Variants in DIP2C observed in about 807,000 individuals in gnomAD.
DIP2C encodes the protein disco-interacting protein 2 homolog C.
In DIP2C, 33 loss-of-function variants were observed where a neutral mutation model predicts 192.4. The ratio of observed to expected loss-of-function variants is 0.17; its 90% CI spans 0.13 to 0.23. DIP2C has a LOEUF of 0.23. DIP2C is among the 10% of genes least tolerant of loss of function. The pLI, the probability that DIP2C is intolerant of heterozygous loss-of-function variation, is 1.00. For synonymous variants in DIP2C, 979 were observed against 864.1 expected (o/e 1.13, Z -2.33); for missense variants, 1,537 against 2,110.1 (o/e 0.73, Z 5.32).
In DIP2C at chr10:419,203, T is replaced by C. The variant is rs747252086; in HGVS notation, c.605-4A>G. On this transcript the variant is annotated splice_polypyrimidine_tract_variant and splice_region_variant and intron_variant, in intron 5 of 36. Coordinates refer to ENST00000280886, the MANE Select transcript of DIP2C (RefSeq NM_014974.3). ...TCAGGAGGTGCAGAATGATTTTCTG[T>C]AAAGAAACACATCATGAGATTTTCT... 1 of 1,614,144 alleles carries C rather than the reference T, an allele frequency of 6.2e-7. No homozygotes were observed. The highest frequency in any genetic ancestry group is 1.1e-5 in the South Asian group (1 of 91,076).
rs1446342524 is a variant in DIP2C, at chr10:345,015, G to A, written c.3327C>T (p.Pro1109=). 1.9e-6 allele frequency: 3 copies of A among 1,612,794 alleles called. No individual in the cohort carries two copies. The highest frequency in any genetic ancestry group is 2.5e-6 in the Non-Finnish European group (3 of 1,179,820). The change falls in exon 27 of 37, where the codon CCC becomes CCT. Residue 1109 remains proline, a synonymous_variant. Coordinates refer to ENST00000280886, the MANE Select transcript of DIP2C (RefSeq NM_014974.3). ...AGCACCAACCTGTGTCCAGGATGAG[G>A]GGCCACGTCCTGACGTCCACAGCCG... ...AAAAVDVRTW[P]LILDTDDLPK...
At chr10:306,099 G>A (rs550463664) in intron 32 of DIP2C, among the ~76,000 whole-genome samples, 32 of 152,100 alleles carry the variant, frequency 2.1e-4, no homozygotes, top group African/African-American at 7.7e-4. Context: ...GAATTACACT[G>A]TAACAAATAT....
At chr10:570,768 T>C (rs956333609) in intron 1 of DIP2C, among the ~76,000 whole-genome samples, 6 of 152,206 alleles carry the variant, frequency 3.9e-5, no homozygotes, top group African/African-American at 1.4e-4. Flanking sequence ...GCACACTACC[T>C]TGCATGAGGC....
intron 1 of DIP2C, chr10:631,200 ATAAT>A (rs982482105): frequency 2.4e-4 from 37 of 152,384 alleles, no homozygotes; most frequent in African/African-American, 7.7e-4. Flanking sequence ...AATAATTCAC[ATAAT>A]TAAATTATTT....
At chr10:452,097 A>AG (rs1369887863) in intron 3 of DIP2C, among the ~76,000 whole-genome samples, 12 of 152,186 alleles carry the variant, frequency 7.9e-5, no homozygotes, top group African/African-American at 2.4e-4. Flanking sequence ...CACGAGCAGG[A>AG]GGGAAGCATG....
intron 1 of DIP2C, among the ~76,000 whole-genome samples, chr10:530,174 G>T (rs979305003): frequency 2.0e-5 from 3 of 152,214 alleles, no homozygotes; most frequent in African/African-American, 4.8e-5. Flanking sequence ...TTTGCTTCCC[G>T]TGAGGAGATG....
At chr10:490,356 G>A (rs1018965161) in intron 1 of DIP2C, among the ~76,000 whole-genome samples, 1 of 152,238 alleles carries the variant, frequency 6.6e-6, no homozygotes, top group Non-Finnish European at 1.5e-5. Context: ...CCGAAAGAGG[G>A]CACATCCTTC....
chr10:319,829 G>A (rs1186467228), intron 31 of DIP2C, among the ~76,000 whole-genome samples: 1 of 151,996 alleles, frequency 6.6e-6, no homozygotes, highest in African/African-American at 2.4e-5. Context: ...TTACCTCCTA[G>A]CTTTGTCAAT....
intron 29 of DIP2C, among the ~76,000 whole-genome samples, chr10:336,949 G>A (rs1480291545): frequency 9.0e-5 from 6 of 66,928 alleles, no homozygotes; most frequent in African/African-American, 1.7e-4. Flanking sequence ...GTGTGTGCGC[G>A]TGTGTGTGTG....
At chr10:458,332 G>T (rs534474423) in intron 3 of DIP2C, among the ~76,000 whole-genome samples, 1 of 152,342 alleles carries the variant, frequency 6.6e-6, no homozygotes, top group African/African-American at 2.4e-5. Flanking sequence ...ATCAAAATCA[G>T]TAAATCCAGA....
At chr10:350,646 T>A (rs1477102176) in intron 24 of DIP2C, among the ~76,000 whole-genome samples, 1 of 146,546 alleles carries the variant, frequency 6.8e-6, no homozygotes, top group East Asian at 2.0e-4. Context: ...TTTTTTTTTT[T>A]TTTTTTTTTT....
At position 666,584 on chromosome 10, in the gene DIP2C, G is replaced by A. The variant is rs954415351; in HGVS notation, c.85+22910C>T. On this transcript the variant is annotated intron_variant, in intron 1 of 36. Transcript: ENST00000280886. This position sits in a 1 kb window ranked among gnomAD's most constrained non-coding sequence, Gnocchi z 4.1. ...TAGAACTGGGGGTAAGCAAAGCCAC[G>A]AGGTCGGCCCGTGGCCTGTCTGCCC... The A allele has an allele frequency of 2.0e-5, 3 of 150,224 alleles. No individual in the cohort carries two copies. Among genetic ancestry groups the A allele is most frequent in the Admixed American group, 6.6e-5 (1 of 15,084 alleles). The allele number at this position is 150,224 out of a possible 1,614,324, so 9.3% of individuals were successfully genotyped here.
At chr10:612,346 A>G (rs186468645) in intron 1 of DIP2C, among the ~76,000 whole-genome samples, 130 of 152,280 alleles carry the variant, frequency 8.5e-4, no homozygotes, top group African/African-American at 3.1e-3. Context: ...TGTCAAATAT[A>G]TCAGCTAAAA....
chr10:685,677 T>C (rs930423431), intron 1 of DIP2C, among the ~76,000 whole-genome samples: 2 of 152,072 alleles, frequency 1.3e-5, no homozygotes, highest in African/African-American at 4.8e-5. Flanking sequence ...TAATAAGACA[T>C]GAGTCTGGGC....
At position 340,504 on chromosome 10, in the gene DIP2C, A is replaced by G. The variant is rs115503100; in HGVS notation, c.3584+695T>C. ...CATTAGAAAATGAACTCTGAAAACT[A>G]TATGCCCAATGCTAATAGTGGGTAT... On this transcript the variant is annotated intron_variant, in intron 29 of 36. Coordinates refer to ENST00000280886, the MANE Select transcript of DIP2C (RefSeq NM_014974.3). 4.3e-3 allele frequency among the ~76,000 whole-genome samples: 655 copies of G among 152,274 alleles called. 5 individuals carry two copies. The highest frequency in any genetic ancestry group is 0.015 in the African/African-American group (603 of 41,528).
chr10:291,822 GT>G (rs760690214), intron 32 of DIP2C, among the ~76,000 whole-genome samples: 1 of 152,236 alleles, frequency 6.6e-6, no homozygotes, highest in Non-Finnish European at 1.5e-5. Flanking sequence ...TTAGAACCAG[GT>G]TGTAAGGTTA....
At chr10:579,255 G>A (rs186687046) in intron 1 of DIP2C, among the ~76,000 whole-genome samples, 98 of 151,152 alleles carry the variant, frequency 6.5e-4, no homozygotes, top group Non-Finnish European at 1.1e-3. Context: ...ACACTAACAT[G>A]TGTACATGCA....
intron 3 of DIP2C, among the ~76,000 whole-genome samples, chr10:469,314 GA>G (rs1229550766): frequency 5.5e-5 from 6 of 109,538 alleles, no homozygotes; most frequent in Non-Finnish European, 7.2e-5. Context: ...CACTGGTACT[GA>G]TTTTTTTTTT....
chr10:406,618 T>C (rs187333476), intron 9 of DIP2C, among the ~76,000 whole-genome samples: 2 of 152,368 alleles, frequency 1.3e-5, no homozygotes, highest in East Asian at 1.9e-4. Context: ...ATTCAGTTCA[T>C]AGTTTGACTC....
Sources: gnomAD v4.1 joint callset for allele counts (sites outside exome capture counted in the v4.1 genomes callset) on GRCh38, gnomAD v4.1.1 for gene constraint, Gnocchi (gnomAD v3.1) non-coding constraint, MANE v1.5 for transcripts, NCBI Gene and HGNC (gene_info 2026-07-23, HGNC 2026-07-21) for gene names.